Variants in ROBO1 observed in about 807,000 individuals in gnomAD.
ROBO1 encodes roundabout guidance receptor 1, also known as roundabout homolog 1.
Under a neutral mutation model 195.9 loss-of-function variants are expected in ROBO1, and 149 were observed. The observed-to-expected ratio is 0.76, with a 90% CI of 0.67 to 0.87. ROBO1 has a LOEUF of 0.87. Ranked by LOEUF, ROBO1 falls within the 40% of genes least tolerant of loss-of-function variation. The pLI is 0.00. For synonymous variants in ROBO1, 816 were observed against 733.2 expected, an observed-to-expected ratio of 1.11 and a Z score of -1.82; for missense variants, 1,933 against 2,068.3, an observed-to-expected ratio of 0.93 and a Z score of 1.27.
chr3:79,746,039 G>A (rs1703861722), intron 1 of ROBO1, among the ~76,000 whole-genome samples: 1 of 152,110 alleles, frequency 6.6e-6, no homozygotes, highest in South Asian at 2.1e-4. Context: ...ATAACAAAGT[G>A]TAAAAGGGAA....
intron 4 of ROBO1, among the ~76,000 whole-genome samples, chr3:78,896,894 C>T (rs936326977): frequency 6.6e-6 from 1 of 152,084 alleles, no homozygotes; most frequent in African/African-American, 2.4e-5. Context: ...GCTGCATACA[C>T]CACTAATCCT....
chr3:79,415,532 C>T (rs1477114500), intron 2 of ROBO1, among the ~76,000 whole-genome samples: 2 of 152,086 alleles, frequency 1.3e-5, no homozygotes, highest in Non-Finnish European at 2.9e-5. Flanking sequence ...CATAAAAGAG[C>T]TTGTCACATA....
intron 2 of ROBO1, among the ~76,000 whole-genome samples, chr3:79,311,428 A>C (rs569557435): frequency 6.6e-6 from 1 of 152,330 alleles, no homozygotes; most frequent in South Asian, 2.1e-4. Context: ...TTTCTAATTT[A>C]AATTCTTATA....
chr3:78,775,784 C>T (rs1328444176), intron 4 of ROBO1, among the ~76,000 whole-genome samples: 1 of 152,188 alleles, frequency 6.6e-6, no homozygotes, highest in African/African-American at 2.4e-5. Flanking sequence ...TGTCTGGGAA[C>T]CATTTTTGGC....
rs73124699 is a variant in ROBO1, at chr3:79,102,046, A to G, written c.172+23410T>C. Among the ~76,000 whole-genome samples, 431 of 151,908 alleles carry G rather than the reference A, an allele frequency of 2.8e-3. 2 individuals are homozygous for G. Among genetic ancestry groups the G allele is most frequent in the Non-Finnish European group, 4.4e-3 (301 of 67,842 alleles). ...TCCACACCATTATTCTTTTTTTAGT[A>G]ATAATGTTGATCAGTATTTGTACAT... On this transcript the variant is annotated intron_variant, in intron 3 of 30. Coordinates refer to ENST00000464233, the MANE Select transcript of ROBO1 (RefSeq NM_002941.4).
At chr3:79,061,563 A>G (rs1383225698) in intron 3 of ROBO1, among the ~76,000 whole-genome samples, 2 of 152,312 alleles carry the variant, frequency 1.3e-5, no homozygotes, top group East Asian at 1.9e-4. Flanking sequence ...AAGCAAAAAG[A>G]ACAAAGCTGG....
chr3:78,633,999 G>C lies in ROBO1; in HGVS notation c.3417C>G (p.Asn1139Lys). The change falls in exon 24 of 31, where the codon AAC becomes AAG. Residue 1139 changes from asparagine (N) to lysine (K), a missense_variant. Physicochemically the swap from Asn to Lys is moderately conservative, Grantham distance 94 (BLOSUM62 0). Transcript: ENST00000464233. ...NDTVPPTIPY[N>K]QSYDQNTGGS... ...CTCCTGTGTTCTGGTCGTATGATTG[G>C]TTGTATGGGATAGTTGGAGGAACTG... is the stretch of plus-strand genomic sequence containing the variant. 1 of 1,612,458 alleles carries C rather than the reference G, an allele frequency of 6.2e-7. No individual in the cohort carries two copies. Among genetic ancestry groups the C allele is most frequent in the Non-Finnish European group, 8.5e-7 (1 of 1,179,028 alleles).
chr3:78,606,872 C>T lies in ROBO1; in HGVS notation c.4605G>A (p.Leu1535=). 1.2e-6 allele frequency: 2 copies of T among 1,613,798 alleles called. No homozygotes were observed. The highest frequency in any genetic ancestry group is 1.3e-5 in the African/African-American group (1 of 74,950). Reference sequence around the variant, plus strand: ...GCATGTCAACAACCTGTCTTCCATCCAACACTTCTCTCCCCTTGTAACTGC... The same window carrying T: ...GCATGTCAACAACCTGTCTTCCATCTAACACTTCTCTCCCCTTGTAACTGC... ...KGSSYKGREV[L]DGRQVVDMRT... The change falls in exon 29 of 31, where the codon TTG becomes TTA. Residue 1535 remains leucine, a synonymous_variant. Coordinates refer to ENST00000464233, the MANE Select transcript of ROBO1 (RefSeq NM_002941.4).
At chr3:79,100,970 C>T (rs1401760335) in intron 3 of ROBO1, among the ~76,000 whole-genome samples, 1 of 151,644 alleles carries the variant, frequency 6.6e-6, no homozygotes, top group Non-Finnish European at 1.5e-5. Context: ...GTTATTAGTA[C>T]CTATGGCAAA....
At chr3:79,321,053 A>T (rs905494177) in intron 2 of ROBO1, among the ~76,000 whole-genome samples, 5 of 152,350 alleles carry the variant, frequency 3.3e-5, no homozygotes, top group Admixed American at 2.6e-4. Flanking sequence ...AAATTCTAGC[A>T]TCTTAAGGAA....
chr3:79,686,062 T>C (rs955564094), intron 1 of ROBO1, among the ~76,000 whole-genome samples: 18 of 152,104 alleles, frequency 1.2e-4, no homozygotes, highest in South Asian at 1.0e-3. Flanking sequence ...GCAAGGCTGG[T>C]TCAACATATG....
chr3:78,729,382 C>T (rs914633767), intron 5 of ROBO1, among the ~76,000 whole-genome samples: 1 of 152,134 alleles, frequency 6.6e-6, no homozygotes, highest in Non-Finnish European at 1.5e-5. Flanking sequence ...TTCATGATTC[C>T]TAATTTTAAT....
At chr3:79,672,329 G>T (rs948427335) in intron 1 of ROBO1, among the ~76,000 whole-genome samples, 4 of 132,944 alleles carry the variant, frequency 3.0e-5, no homozygotes, top group Non-Finnish European at 6.3e-5. Flanking sequence ...AATGAAAGAT[G>T]ACTTTGAATA....
intron 4 of ROBO1, among the ~76,000 whole-genome samples, chr3:78,821,682 C>T (rs761033198): frequency 1.9e-4 from 29 of 152,244 alleles, no homozygotes; most frequent in Non-Finnish European, 2.9e-4. Flanking sequence ...TCCCAGCTCT[C>T]ATAACAGCAC....
At chr3:78,916,557 G>GAAAAAAAAAAAAAAAA (rs969858186) in intron 4 of ROBO1, among the ~76,000 whole-genome samples, 1 of 74,158 alleles carries the variant, frequency 1.3e-5, no homozygotes, top group Non-Finnish European at 3.1e-5. Context: ...GTCTCAAAAA[G>GAAAAAAAAAAAAAAAA]AAAAAAAAAA....
intron 18 of ROBO1, among the ~76,000 whole-genome samples, chr3:78,654,205 C>T (rs1290012264): frequency 6.6e-6 from 1 of 152,058 alleles, no homozygotes; most frequent in Non-Finnish European, 1.5e-5. Flanking sequence ...ATGAAGAAAA[C>T]AGCCTTCAGG....
chr3:78,642,932 T>C (rs2107576482), intron 21 of ROBO1, among the ~76,000 whole-genome samples: 1 of 152,304 alleles, frequency 6.6e-6, no homozygotes, highest in Non-Finnish European at 1.5e-5. Context: ...ACTCAGGCCT[T>C]CTGACATTCA....
At chr3:78,688,547 G>A in intron 9 of ROBO1, 101 bp downstream of exon 9, 1 of 1,243,830 alleles carries the variant, frequency 8.0e-7, no homozygotes, top group Admixed American at 3.2e-5. Context: ...TTCTCTTAAT[G>A]TGACAGCTGC....
chr3:79,700,054 T>TTA (rs1947568067), intron 1 of ROBO1, among the ~76,000 whole-genome samples: 1 of 151,756 alleles, frequency 6.6e-6, no homozygotes, highest in Non-Finnish European at 1.5e-5. Flanking sequence ...TACCCAGTGT[T>TTA]TAGTTCCTAC....
Sources: allele counts gnomAD v4.1 joint callset (sites outside exome capture counted in the v4.1 genomes callset), GRCh38; gene constraint gnomAD v4.1.1; transcripts MANE v1.5; gene names NCBI Gene and HGNC (gene_info 2026-07-23, HGNC 2026-07-21).